The following TPX2 variants were observed in gnomAD, a reference collection of about 807,000 sequenced individuals.
The protein encoded by TPX2 is targeting protein for Xklp2.
A neutral mutation model predicts 93.6 loss-of-function variants in TPX2; 21 were observed. The observed-to-expected ratio is 0.22, with a 90% CI of 0.16 to 0.32. The LOEUF is 0.32. Among genes scored for constraint, TPX2 ranks in the 10% least tolerant of loss-of-function variants. The probability of loss-of-function intolerance (pLI) is 1.00; values close to 1 mark genes in which losing one functional copy is unlikely to be tolerated. For synonymous variants in TPX2, 281 were observed against 298.3 expected, an observed-to-expected ratio of 0.94 and a Z score of 0.60; for missense variants, 776 against 871.1, an observed-to-expected ratio of 0.89 and a Z score of 1.37.
intron 12 of TPX2, among the ~76,000 whole-genome samples, chr20:31,792,006 A>T (rs2062105057): frequency 6.6e-6 from 1 of 152,226 alleles, no homozygotes; most frequent in Non-Finnish European, 1.5e-5. Context: ...AATATGATAC[A>T]TGTCATTTAT....
At chr20:31,739,653 C>T (rs2061742588) in intron 1 of TPX2, 32 bp downstream of exon 1, 1 of 152,218 alleles carries the variant, frequency 6.6e-6, no homozygotes, top group Non-Finnish European at 1.5e-5. Flanking sequence ...ACCATGCTAA[C>T]AGGTTATAAA....
chr20:31,752,892 G>C (rs1301522093), intron 2 of TPX2, among the ~76,000 whole-genome samples: 1 of 152,132 alleles, frequency 6.6e-6, no homozygotes, highest in Non-Finnish European at 1.5e-5. Flanking sequence ...GAGGTTACAG[G>C]TGCGAGCCAC....
intron 4 of TPX2, among the ~76,000 whole-genome samples, chr20:31,761,277 CT>C (rs1208207790): frequency 6.6e-6 from 1 of 150,422 alleles, no homozygotes; most frequent in Non-Finnish European, 1.5e-5. Context: ...TCTCGGCTCA[CT>C]GTAACCTCCA....
Position 31,739,510 on chromosome 20 carries a change from G to A in TPX2, c.-289G>A, listed in dbSNP as rs77680647. 2,127 of 152,446 alleles carry A rather than the reference G, an allele frequency of 0.014. 24 individuals are homozygous for A. The highest frequency in any genetic ancestry group is 0.027 in the Middle Eastern group (8 of 294). The allele number at this position is 152,446 out of a possible 1,614,324, so 9.4% of individuals were successfully genotyped here. ...CTCGGTCGCCGCCTAGGCGGGGCAG[G>A]GTGCGAGCAGGGGCTTCGGGCCACG... On this transcript the variant is annotated 5_prime_UTR_variant, in exon 1 of 18. Coordinates refer to ENST00000300403, the MANE Select transcript of TPX2 (RefSeq NM_012112.5).
intron 8 of TPX2, 82 bp downstream of exon 8, chr20:31,776,070 T>TTTG (rs2061996615): frequency 2.0e-6 from 1 of 510,904 alleles, no homozygotes; most frequent in Non-Finnish European, 2.4e-6. Flanking sequence ...TTTTTTTTTT[T>TTTG]TTTTTTTTTT....
intron 2 of TPX2, among the ~76,000 whole-genome samples, chr20:31,748,525 T>C (rs979455465): frequency 6.6e-6 from 1 of 152,226 alleles, no homozygotes. Flanking sequence ...AAGTTTTCTT[T>C]ATGAGCATAT....
At chr20:31,764,204 C>T (rs2061910453) in intron 4 of TPX2, among the ~76,000 whole-genome samples, 1 of 151,850 alleles carries the variant, frequency 6.6e-6, no homozygotes, top group Non-Finnish European at 1.5e-5. Flanking sequence ...GGGTCTCACT[C>T]TGTCACCCAG....
chr20:31,747,267 C>T (rs917537605), intron 2 of TPX2, among the ~76,000 whole-genome samples: 4 of 152,112 alleles, frequency 2.6e-5, no homozygotes, highest in African/African-American at 4.8e-5. Context: ...ATTAAAGGCA[C>T]GTACCCACCA....
chr20:31,747,566 A>G (rs1163400839), intron 2 of TPX2, among the ~76,000 whole-genome samples: 1 of 152,126 alleles, frequency 6.6e-6, no homozygotes, highest in Non-Finnish European at 1.5e-5. Context: ...AGAGGAACCT[A>G]ATTGGTTCAT....
At position 31,766,727 on chromosome 20, in the gene TPX2, C is replaced by A; in HGVS notation, c.356+45C>A. On this transcript the variant is annotated intron_variant, in intron 5 of 17. Transcript: ENST00000300403. ...AAGTGGTGGTTATGATAATAATGTT[C>A]AAAGGATAGTTACTGGACAGAACAT... The A allele has an allele frequency of 2.5e-6, 4 of 1,569,940 alleles. No homozygotes were observed. The South Asian group carries it at 3.4e-5, about 14-fold the overall frequency.
At position 31,783,734 on chromosome 20, in the gene TPX2, C is replaced by T. The variant is rs763703354; in HGVS notation, c.1226C>T (p.Pro409Leu). 3 of 1,609,168 alleles carry T rather than the reference C, an allele frequency of 1.9e-6. No individual in the cohort carries two copies. Among genetic ancestry groups the T allele is most frequent in the East Asian group, 2.2e-5 (1 of 44,698 alleles). The change falls in exon 12 of 18, where the codon CCC becomes CTC. Residue 409 changes from proline (P) to leucine (L), a missense_variant. Physicochemically the swap from Pro to Leu is moderately conservative, Grantham distance 98. Around this residue, in one of 3 missense-constraint regions of TPX2, gnomAD observed 461 missense variants for 551.2 expected, o/e 0.84. Transcript: ENST00000300403. Reference protein sequence around the residue: ...QYKFKARELDPRILEGGPILP... With the variant: ...QYKFKARELDLRILEGGPILP... The stretch of plus-strand genomic sequence containing the variant: ...AAATTCAAAGCACGTGAACTTGATC[C>T]CAGAATACTTGAAGGTGGGCCCATC...
chr20:31,775,691 A>T (rs983343997), intron 7 of TPX2, among the ~76,000 whole-genome samples, 176 bp from the exon 8 acceptor site: 1 of 152,024 alleles, frequency 6.6e-6, no homozygotes, highest in Non-Finnish European at 1.5e-5. Context: ...GTGCATTTTT[A>T]TTTATTTTCA....
At chr20:31,745,303 C>T (rs1227976914) in intron 2 of TPX2, among the ~76,000 whole-genome samples, 1 of 150,744 alleles carries the variant, frequency 6.6e-6, no homozygotes, top group Non-Finnish European at 1.5e-5. Context: ...GTTACTTCTT[C>T]ACTCTCACCA....
At chr20:31,758,215 C>G (rs2061863898) in intron 3 of TPX2, among the ~76,000 whole-genome samples, 1 of 150,366 alleles carries the variant, frequency 6.7e-6, no homozygotes, top group Non-Finnish European at 1.5e-5. Context: ...CTCCGCCACT[C>G]TTGTTCAAGC....
intron 2 of TPX2, among the ~76,000 whole-genome samples, chr20:31,757,194 C>T (rs530547244): frequency 2.1e-4 from 32 of 152,252 alleles, no homozygotes; most frequent in Non-Finnish European, 4.1e-4. Context: ...AGACGTGAGC[C>T]ACTGTGTCTG....
intron 4 of TPX2, among the ~76,000 whole-genome samples, chr20:31,765,195 T>C (rs928924949): frequency 6.6e-6 from 1 of 151,784 alleles, no homozygotes; most frequent in Non-Finnish European, 1.5e-5. Flanking sequence ...TTGTAGTTCA[T>C]GCCTGTAATC....
chr20:31,769,003 A>G (rs2123019626), intron 5 of TPX2, among the ~76,000 whole-genome samples: 1 of 152,350 alleles, frequency 6.6e-6, no homozygotes, highest in South Asian at 2.1e-4. Context: ...AATGAAAGTC[A>G]GTGAATTAGA....
intron 16 of TPX2, among the ~76,000 whole-genome samples, chr20:31,797,809 G>T (rs528196089): frequency 6.6e-6 from 1 of 152,230 alleles, no homozygotes; most frequent in African/African-American, 2.4e-5. Context: ...AGTAAATGAG[G>T]GAGGGAGAGC....
intron 2 of TPX2, among the ~76,000 whole-genome samples, chr20:31,756,837 G>T (rs943606710): frequency 2.6e-5 from 4 of 151,852 alleles, no homozygotes; most frequent in Non-Finnish European, 5.9e-5. Context: ...ATGTTGGTCG[G>T]GCTGATCTTG....
Sources: gnomAD v4.1 joint callset for allele counts (sites outside exome capture counted in the v4.1 genomes callset) on GRCh38, gnomAD v4.1.1 for gene constraint, gnomAD v4.1.1 regional missense constraint, MANE v1.5 for transcripts, NCBI Gene and HGNC (gene_info 2026-07-23, HGNC 2026-07-21) for gene names.